Variants in CACNA1A observed in about 807,000 individuals in gnomAD.
CACNA1A encodes the protein calcium voltage-gated channel subunit alpha1 A.
CACNA1A carries 57 observed loss-of-function variants against 262.4 expected under a neutral mutation model. That is an observed-to-expected ratio of 0.22 (90% CI 0.18 to 0.27). CACNA1A has a LOEUF of 0.27. Ranked by LOEUF, CACNA1A falls within the 10% of genes least tolerant of loss-of-function variation. The pLI is 1.00. For missense variants in CACNA1A, 2,526 were observed against 3,562.8 expected, an observed-to-expected ratio of 0.71 and a Z score of 7.41; for synonymous variants, 1,431 against 1,419.3, an observed-to-expected ratio of 1.01 and a Z score of -0.18.
At chr19:13,235,128 C>T in intron 33 of CACNA1A, 81 bp downstream of exon 33, 6 of 1,555,948 alleles carry the variant, frequency 3.9e-6, no homozygotes, top group South Asian at 1.1e-5. Flanking sequence ...TTCTGTGAAC[C>T]AGGCTCCTCT....
intron 17 of CACNA1A, among the ~76,000 whole-genome samples, chr19:13,302,274 G>A (rs148193538): frequency 2.4e-4 from 36 of 152,194 alleles, no homozygotes; most frequent in Admixed American, 2.0e-3. Context: ...GACAAGCTAC[G>A]TATGTTTACA....
chr19:13,283,464 A>G (rs1395225024), intron 21 of CACNA1A, 68 bp from the exon 22 acceptor site: 5 of 1,595,158 alleles, frequency 3.1e-6, no homozygotes, highest in Non-Finnish European at 4.3e-6. Flanking sequence ...TTTCTTCCAT[A>G]ATCTCATGTT....
intron 6 of CACNA1A, among the ~76,000 whole-genome samples, chr19:13,344,921 A>AT (rs35698126): frequency 0.079 from 11,820 of 149,966 alleles, 803 homozygotes; most frequent in Admixed American, 0.18. Context: ...CGCTCAGCTA[A>AT]TTTTTTTGTA....
chr19:13,311,586 C>T (rs949091778), intron 12 of CACNA1A, among the ~76,000 whole-genome samples: 4 of 152,104 alleles, frequency 2.6e-5, no homozygotes, highest in African/African-American at 9.7e-5. Context: ...GCCTGTAATC[C>T]CAGCACTTTG....
chr19:13,332,381 C>G (rs1247726452), intron 9 of CACNA1A, among the ~76,000 whole-genome samples: 10 of 151,468 alleles, frequency 6.6e-5, no homozygotes, highest in Non-Finnish European at 1.5e-5. Context: ...GCCTGGGTGA[C>G]AGAGCGAGAC....
At chr19:13,394,598 T>C (rs1051919372) in intron 3 of CACNA1A, among the ~76,000 whole-genome samples, 3 of 152,144 alleles carry the variant, frequency 2.0e-5, no homozygotes, top group Non-Finnish European at 4.4e-5. Flanking sequence ...ATTTTGGCTT[T>C]AACGACCATT....
Position 13,208,739 on chromosome 19 carries a change from C to G in CACNA1A, c.6780+17G>C. The G allele has an allele frequency of 6.4e-7, 1 of 1,565,336 alleles. No individual in the cohort carries two copies. The highest frequency in any genetic ancestry group is 8.6e-7 in the Non-Finnish European group (1 of 1,161,350). ...CCCGGCCGAGCCCAGCCTGGGGTCA[C>G]TTGCAGCCGCACCCACCTGCCGGTG... On this transcript the variant is annotated intron_variant, in intron 46 of 46. Coordinates refer to ENST00000360228, the MANE Select transcript of CACNA1A (RefSeq NM_001127222.2).
chr19:13,284,783 T>A (rs1600241875), intron 21 of CACNA1A, among the ~76,000 whole-genome samples: 2 of 152,326 alleles, frequency 1.3e-5, no homozygotes, highest in Admixed American at 1.3e-4. Context: ...TTATTTGTTG[T>A]TTAGGACAAA....
At chr19:13,410,969 C>T (rs746814177) in intron 3 of CACNA1A, among the ~76,000 whole-genome samples, 1 of 152,114 alleles carries the variant, frequency 6.6e-6, no homozygotes, top group African/African-American at 2.4e-5. Context: ...TGGGTGCTCT[C>T]CTGCATCTAT....
rs749309558 is a variant in CACNA1A, at chr19:13,334,405, C to T, written c.1171G>A (p.Gly391Arg). The T allele has an allele frequency of 1.3e-6, 2 of 1,598,174 alleles. No homozygotes were observed. Among genetic ancestry groups the T allele is most frequent in the Admixed American group, 3.3e-5 (2 of 59,984 alleles). ...GCTTTTGAGATCCACTCCATGTACC[C>T]ATTGAGCTCACGTTCAATCTGTTGT... ...RQQQIERELN[G>R]YMEWISKAEE... Residue 391 changes from glycine (G) to arginine (R), a missense_variant, in exon 8 of 47, where the codon GGG becomes AGG. Gly to Arg is a moderately radical substitution (Grantham distance 125). Transcript: ENST00000360228.
intron 3 of CACNA1A, among the ~76,000 whole-genome samples, chr19:13,402,873 C>CATATATATAT (rs71170507): frequency 4.7e-4 from 34 of 72,804 alleles, no homozygotes; most frequent in South Asian, 1.5e-3. Context: ...CACACACACA[C>CATATATATAT]ATATATATAT....
chr19:13,393,849 C>T (rs2059764125), intron 3 of CACNA1A, among the ~76,000 whole-genome samples: 2 of 140,978 alleles, frequency 1.4e-5, no homozygotes, highest in African/African-American at 5.1e-5. Context: ...CCCCTCCGCC[C>T]CCATTGCCCA....
intron 26 of CACNA1A, 52 bp from the exon 27 acceptor site, chr19:13,259,753 C>T: frequency 6.3e-7 from 1 of 1,592,574 alleles, no homozygotes; most frequent in Admixed American, 1.7e-5. Context: ...GGCTGTCTTG[C>T]ACTTGTCTTT....
intron 3 of CACNA1A, among the ~76,000 whole-genome samples, chr19:13,401,278 C>T (rs1003373182): frequency 1.3e-5 from 2 of 152,164 alleles, no homozygotes; most frequent in Non-Finnish European, 2.9e-5. Context: ...ATTCAAATTC[C>T]AACTCTGCCA....
chr19:13,336,594 G>GGAGGGA (rs1555768095), intron 6 of CACNA1A, among the ~76,000 whole-genome samples: 160 of 65,506 alleles, frequency 2.4e-3, no homozygotes, highest in African/African-American at 7.9e-3. Context: ...AGAGAGAGAG[G>GGAGGGA]GAGAGAGAGA....
At chr19:13,469,189 G>A (rs1022052746) in intron 1 of CACNA1A, among the ~76,000 whole-genome samples, 4 of 152,160 alleles carry the variant, frequency 2.6e-5, no homozygotes, top group Non-Finnish European at 5.9e-5. Context: ...GTCAGAGGTA[G>A]CACCAGCAGC....
At chr19:13,490,701 GAAAGAAAGAAA>G (rs1568700577) in intron 1 of CACNA1A, among the ~76,000 whole-genome samples, 1 of 14,984 alleles carries the variant, frequency 6.7e-5, no homozygotes, top group African/African-American at 2.7e-4. Context: ...AGGAAAGAAA[GAAAGAAAGAAA>G]GAAAGAAAGA....
intron 1 of CACNA1A, among the ~76,000 whole-genome samples, chr19:13,481,978 A>T (rs1265082045): frequency 6.6e-6 from 1 of 152,052 alleles, no homozygotes; most frequent in African/African-American, 2.4e-5. Flanking sequence ...CATCTCCTGG[A>T]GAAGACAGCT....
chr19:13,425,504 C>T (rs1324639673), intron 3 of CACNA1A, among the ~76,000 whole-genome samples: 2 of 152,198 alleles, frequency 1.3e-5, no homozygotes, highest in African/African-American at 2.4e-5. Context: ...AATTTACTCC[C>T]GTCTTTCCAT....
Sources: allele counts gnomAD v4.1 joint callset (sites outside exome capture counted in the v4.1 genomes callset), GRCh38; gene constraint gnomAD v4.1.1; transcripts MANE v1.5; gene names NCBI Gene and HGNC (gene_info 2026-07-23, HGNC 2026-07-21).